The following ITGA4 variants were observed in gnomAD, a reference collection of about 807,000 sequenced individuals.
ITGA4 encodes integrin subunit alpha 4.
In ITGA4, 63 loss-of-function variants were observed where a neutral mutation model predicts 133.6. That is an observed-to-expected ratio of 0.47 (90% CI 0.38 to 0.58). The LOEUF is 0.58. Ranked by LOEUF, ITGA4 falls within the 20% of genes least tolerant of loss-of-function variation. ITGA4 has a pLI of 0.00. For missense variants in ITGA4, 1,076 were observed against 1,252.7 expected (o/e 0.86, Z 2.13); for synonymous variants, 483 against 438.0 (o/e 1.10, Z -1.28).
intron 23 of ITGA4, among the ~76,000 whole-genome samples, chr2:181,530,273 AT>A (rs1336030372): frequency 6.6e-6 from 1 of 152,214 alleles, no homozygotes; most frequent in African/African-American, 2.4e-5. Context: ...CATTTTTCAC[AT>A]TTCTGCAAGG....
At chr2:181,474,202 T>A (rs1685621807) in intron 2 of ITGA4, among the ~76,000 whole-genome samples, 1 of 152,226 alleles carries the variant, frequency 6.6e-6, no homozygotes, top group Non-Finnish European at 1.5e-5. Context: ...TAATTTTTTC[T>A]AACAAAAGAA....
At chr2:181,520,659 C>G (rs911298033) in intron 17 of ITGA4, among the ~76,000 whole-genome samples, 5 of 152,174 alleles carry the variant, frequency 3.3e-5, no homozygotes, top group African/African-American at 1.2e-4. Flanking sequence ...AGAGAAAGAA[C>G]AAGTATCATG....
rs1686762467 is a variant in ITGA4 at position 181,523,435 on chromosome 2, A to G, written c.2074-2A>G. 6.3e-7 allele frequency: 1 copy of G among 1,586,024 alleles called. No individual in the cohort carries two copies. The highest frequency in any genetic ancestry group is 8.7e-7 in the Non-Finnish European group (1 of 1,154,928). ...AAACAGTTGTTTCATTTTTCCCATT[A>G]GGAAGAGAAGCAAATAAACTGTGAA... On this transcript the variant is annotated splice_acceptor_variant, in intron 18 of 27. Transcript: ENST00000397033. LOFTEE classifies it high-confidence loss of function. This position sits in a 1 kb window ranked among gnomAD's most constrained non-coding sequence, Gnocchi z 4.2.
rs200411275 is a variant in ITGA4, at chr2:181,493,391, C to G, written c.1220C>G (p.Ala407Gly). 6.2e-7 allele frequency: 1 copy of G among 1,611,396 alleles called. No homozygotes were observed. The highest frequency in any genetic ancestry group is 1.3e-5 in the African/African-American group (1 of 74,958). The change falls in exon 11 of 28, where the codon GCA (alanine) becomes GGA (glycine). Residue 407 changes from alanine (A) to glycine (G), a missense_variant. Coordinates refer to ENST00000397033, the MANE Select transcript of ITGA4 (RefSeq NM_000885.6). ...QGAIYIYNGRADGISSTFSQR... is the reference protein window; with the variant it reads ...QGAIYIYNGRGDGISSTFSQR... ...GCTATTTATATTTACAATGGCCGTGCAGATGGGATCTCGTCAACCTTCTCA... is the reference window on the plus strand; with the variant it reads ...GCTATTTATATTTACAATGGCCGTGGAGATGGGATCTCGTCAACCTTCTCA...
rs754466728 is a variant in ITGA4, at chr2:181,523,443, A to G, written c.2080A>G (p.Lys694Glu). 3.1e-6 allele frequency: 5 copies of G among 1,600,538 alleles called. No individual in the cohort carries two copies. Among genetic ancestry groups the G allele is most frequent in the Non-Finnish European group, 3.4e-6 (4 of 1,167,992 alleles). Residue 694 changes from lysine to glutamate, a missense_variant, in exon 19 of 28, where the codon AAG (lysine) becomes GAG (glutamate). Around this residue, in one of 4 missense-constraint regions of ITGA4, gnomAD observed 365 missense variants for 421.4 expected, o/e 0.87. Transcript: ENST00000397033. This position sits in a 1 kb window ranked among gnomAD's most constrained non-coding sequence, Gnocchi z 4.2. ...YFIKILELEE[K>E]QINCEVTDNS... Reference sequence around the variant, plus strand: ...GTTTCATTTTTCCCATTAGGAAGAGAAGCAAATAAACTGTGAAGTCACAGA... The same window carrying G: ...GTTTCATTTTTCCCATTAGGAAGAGGAGCAAATAAACTGTGAAGTCACAGA...
At chr2:181,465,578 T>A (rs1375955160) in intron 2 of ITGA4, among the ~76,000 whole-genome samples, 1 of 152,196 alleles carries the variant, frequency 6.6e-6, no homozygotes, top group Non-Finnish European at 1.5e-5. Context: ...CATTAGTGAT[T>A]GTTTTTCAAA....
intron 17 of ITGA4, among the ~76,000 whole-genome samples, chr2:181,520,682 C>T (rs571184982): frequency 6.6e-6 from 1 of 152,182 alleles, no homozygotes; most frequent in African/African-American, 2.4e-5. Context: ...TTTACTACCT[C>T]AGGCAAAAAG....
At position 181,530,560 on chromosome 2, in the gene ITGA4, A is replaced by C. The variant is rs200692791; in HGVS notation, c.2575A>C (p.Arg859=). 6.8e-6 allele frequency: 11 copies of C among 1,613,260 alleles called. No individual in the cohort carries two copies. The highest frequency in any genetic ancestry group is 9.3e-6 in the Non-Finnish European group (11 of 1,179,344). ...AGAATGCCACTTTGAAAATTATCAA[A>C]GAGTGTGTGCATTAGAGCAGCAAAA... ...TGECHFENYQ[R]VCALEQQKSA... The change falls in exon 24 of 28, where the codon AGA becomes CGA. Residue 859 remains arginine, a synonymous_variant. Transcript: ENST00000397033.
intron 17 of ITGA4, among the ~76,000 whole-genome samples, chr2:181,519,777 T>C (rs1468121706): frequency 6.6e-6 from 1 of 152,136 alleles, no homozygotes. Context: ...TTGGAATTTG[T>C]ATAGCATCAC....
At chr2:181,510,973 A>G (rs1312867772) in intron 16 of ITGA4, among the ~76,000 whole-genome samples, 8 of 152,008 alleles carry the variant, frequency 5.3e-5, no homozygotes, top group Admixed American at 2.0e-4. Flanking sequence ...AGCTGTAGGC[A>G]CGCTATTTGA....
chr2:181,504,246 A>G (rs1279951588), intron 15 of ITGA4, among the ~76,000 whole-genome samples: 1 of 152,004 alleles, frequency 6.6e-6, no homozygotes, highest in Non-Finnish European at 1.5e-5. Context: ...CATGACATCA[A>G]TCTACCTGGG....
At chr2:181,522,547 G>T (rs1686743060) in intron 18 of ITGA4, among the ~76,000 whole-genome samples, 1 of 152,132 alleles carries the variant, frequency 6.6e-6, no homozygotes, top group Admixed American at 6.6e-5. Context: ...CTGTTTTCCA[G>T]TACTAGGAGT....
intron 15 of ITGA4, among the ~76,000 whole-genome samples, chr2:181,500,586 T>C (rs953671849): frequency 6.6e-6 from 1 of 152,116 alleles, no homozygotes; most frequent in Non-Finnish European, 1.5e-5. Context: ...GGAGTGGGAA[T>C]GTTAACATAT....
At position 181,495,477 on chromosome 2, in the gene ITGA4, G is replaced by A. The variant is rs746380038; in HGVS notation, c.1385+61G>A. On this transcript the variant is annotated intron_variant, in intron 13 of 27. Transcript: ENST00000397033. This position sits in a 1 kb window ranked among gnomAD's most constrained non-coding sequence, Gnocchi z 4.3. The stretch of plus-strand genomic sequence containing the variant: ...TGGTTTAATTGTAAAATGATGGGAG[G>A]TGGTGTTTAAAATCAGCAGTGGTAG... 1 of 1,243,804 alleles carries A rather than the reference G, an allele frequency of 8.0e-7. No homozygotes were observed. Among genetic ancestry groups the A allele is most frequent in the Non-Finnish European group, 1.2e-6 (1 of 843,772 alleles). 77.0% of individuals were successfully genotyped at this position (1,243,804 alleles called of 1,614,324 possible). A position where few individuals can be genotyped will look rare whatever the true frequency, so the allele number is the denominator to read the frequency against.
chr2:181,471,820 CTCTT>C (rs1228318602), intron 2 of ITGA4, among the ~76,000 whole-genome samples: 1 of 152,184 alleles, frequency 6.6e-6, no homozygotes, highest in East Asian at 1.9e-4. Context: ...AAGTAAACAT[CTCTT>C]TCTTGTGGCT....
intron 2 of ITGA4, among the ~76,000 whole-genome samples, chr2:181,467,365 A>G (rs972964845): frequency 1.3e-5 from 2 of 152,312 alleles, no homozygotes; most frequent in African/African-American, 4.8e-5. Flanking sequence ...GCCCCAGTCA[A>G]ATGTCTGAAT....
chr2:181,522,339 C>A lies in ITGA4; in HGVS notation c.2071C>A (p.Leu691Met). 1 of 1,595,324 alleles carries A rather than the reference C, an allele frequency of 6.3e-7. No homozygotes were observed. Among genetic ancestry groups the A allele is most frequent in the Non-Finnish European group, 8.5e-7 (1 of 1,170,502 alleles). ...TCTTTATTTCATTAAGATTTTAGAG[C>A]TGGTAAGTACTGTAAACCACAATAG... ...VGLYFIKILELEEKQINCEVT... is the reference protein window; with the variant it reads ...VGLYFIKILEMEEKQINCEVT... The change falls in exon 18 of 28, where the codon CTG (leucine) becomes ATG (methionine). Residue 691 changes from leucine to methionine, a missense_variant and splice_region_variant. Transcript: ENST00000397033.
chr2:181,537,594 T>A lies in ITGA4; in HGVS notation c.*2067T>A, dbSNP rs1379117696. On this transcript the variant is annotated 3_prime_UTR_variant, in exon 28 of 28. Transcript: ENST00000397033. ...ACTTATGAAATCTGTATTATATTTG[T>A]AACAGAATATAGGAAATTTAACATA... 9.3e-6 allele frequency: 4 copies of A among 428,720 alleles called. No individual in the cohort carries two copies. The highest frequency in any genetic ancestry group is 1.8e-5 in the Non-Finnish European group (4 of 217,612). The allele number at this position is 428,720 out of a possible 1,614,324, so 26.6% of individuals were successfully genotyped here.
intron 15 of ITGA4, 193 bp downstream of exon 15, chr2:181,498,970 C>T (rs1406511313): frequency 9.9e-6 from 7 of 709,836 alleles, no homozygotes; most frequent in Non-Finnish European, 1.2e-5. Context: ...CTTATTGTAT[C>T]ATCCTTTTTC....
Sources: gnomAD v4.1 joint callset for allele counts (sites outside exome capture counted in the v4.1 genomes callset) on GRCh38, gnomAD v4.1.1 for gene constraint, gnomAD v4.1.1 regional missense constraint, Gnocchi (gnomAD v3.1) non-coding constraint, MANE v1.5 for transcripts, NCBI Gene and HGNC (gene_info 2026-07-23, HGNC 2026-07-21) for gene names.